Variants in CATSPERT observed in about 807,000 individuals in gnomAD.
The protein encoded by CATSPERT is cation channel sperm-associated targeting subunit tau.
chr2:201,557,085 A>C, the CATSPERT span: 6 of 152,138 alleles, frequency 3.9e-5, no homozygotes, highest in Admixed American at 1.3e-4. Flanking sequence ...GTAACTATTC[A>C]AACCTTAAAA....
the CATSPERT span, among the ~76,000 whole-genome samples, chr2:201,581,475 G>A: frequency 5.0e-5 from 1 of 20,004 alleles, no homozygotes; most frequent in Non-Finnish European, 9.0e-5. Context: ...CACACATTCC[G>A]GAATATATAT....
the CATSPERT span, among the ~76,000 whole-genome samples, chr2:201,490,842 G>A: frequency 1.3e-5 from 2 of 152,110 alleles, no homozygotes; most frequent in African/African-American, 2.4e-5. Flanking sequence ...TCCTGCCTCA[G>A]CCTCCCGAGT....
At chr2:201,564,241 T>A in the CATSPERT span, among the ~76,000 whole-genome samples, 3 of 152,196 alleles carry the variant, frequency 2.0e-5, no homozygotes, top group African/African-American at 7.2e-5. Flanking sequence ...CTTAATTGAA[T>A]TAAAGTGATC....
chr2:201,572,333 C>A, the CATSPERT span, among the ~76,000 whole-genome samples: 2 of 152,186 alleles, frequency 1.3e-5, no homozygotes, highest in African/African-American at 4.8e-5. Flanking sequence ...CAAGGCTACA[C>A]AGTAGGCAAG....
chr2:201,562,637 G>A, the CATSPERT span, among the ~76,000 whole-genome samples: 5 of 147,554 alleles, frequency 3.4e-5, no homozygotes, highest in East Asian at 2.0e-4. Context: ...AAGGTCTCTG[G>A]TTTTCCTAGG....
the CATSPERT span, among the ~76,000 whole-genome samples, chr2:201,609,753 AAACAATCT>A: frequency 2.6e-5 from 4 of 152,206 alleles, no homozygotes; most frequent in African/African-American, 9.6e-5. Context: ...GGTTTCAAAT[AAACAATCT>A]AACAATACAC....
the CATSPERT span, among the ~76,000 whole-genome samples, chr2:201,572,791 T>C: frequency 6.6e-6 from 1 of 152,162 alleles, no homozygotes; most frequent in African/African-American, 2.4e-5. Flanking sequence ...TTGTTCCTTG[T>C]GGCTTTCATC....
chr2:201,536,012 C>T, the CATSPERT span: 4 of 1,612,600 alleles, frequency 2.5e-6, no homozygotes, highest in African/African-American at 1.3e-5. Flanking sequence ...AGATACTCCT[C>T]AAATTTACCT....
the CATSPERT span, among the ~76,000 whole-genome samples, chr2:201,589,033 G>T: frequency 7.2e-5 from 11 of 152,162 alleles, no homozygotes; most frequent in South Asian, 8.3e-4. Flanking sequence ...AAATACCTAG[G>T]AGTACAGCTA....
At chr2:201,559,930 C>T in the CATSPERT span, among the ~76,000 whole-genome samples, 51 of 151,890 alleles carry the variant, frequency 3.4e-4, no homozygotes, top group Non-Finnish European at 5.7e-4. Context: ...TAACAGACCC[C>T]GATCATAAGG....
At chr2:201,571,009 T>C in the CATSPERT span, among the ~76,000 whole-genome samples, 26 of 152,192 alleles carry the variant, frequency 1.7e-4, no homozygotes, top group African/African-American at 5.3e-4. Context: ...TTTTATTCCA[T>C]TGGCATCATC....
At chr2:201,600,058 C>T in the CATSPERT span, among the ~76,000 whole-genome samples, 5 of 152,154 alleles carry the variant, frequency 3.3e-5, no homozygotes, top group Admixed American at 3.3e-4. Context: ...ACTAGAAATA[C>T]CATTTAACCC....
chr2:201,608,897 T>TAA, the CATSPERT span, among the ~76,000 whole-genome samples: 2 of 140,854 alleles, frequency 1.4e-5, no homozygotes, highest in Non-Finnish European at 3.1e-5. Flanking sequence ...AAAAGTTGAT[T>TAA]AAAAAAAAAA....
the CATSPERT span, among the ~76,000 whole-genome samples, chr2:201,549,289 C>T: frequency 1.3e-5 from 2 of 151,964 alleles, no homozygotes; most frequent in African/African-American, 4.8e-5. Flanking sequence ...GTATATACAA[C>T]ATGAAACACC....
chr2:201,583,059 C>T, the CATSPERT span, among the ~76,000 whole-genome samples: 1 of 152,082 alleles, frequency 6.6e-6, no homozygotes, highest in African/African-American at 2.4e-5. Flanking sequence ...ATTTAAAATA[C>T]CATTTTAAAA....
chr2:201,602,480 G>A, the CATSPERT span, among the ~76,000 whole-genome samples: 1 of 152,034 alleles, frequency 6.6e-6, no homozygotes, highest in Non-Finnish European at 1.5e-5. Context: ...GTTTTATGCT[G>A]TGATAAATCT....
the CATSPERT span, among the ~76,000 whole-genome samples, chr2:201,572,270 C>T: frequency 1.3e-5 from 2 of 152,062 alleles, no homozygotes; most frequent in South Asian, 2.1e-4. Flanking sequence ...TAAACCTATA[C>T]GGTAAGTAAC....
At chr2:201,595,054 C>T in the CATSPERT span, among the ~76,000 whole-genome samples, 1 of 152,168 alleles carries the variant, frequency 6.6e-6, no homozygotes, top group South Asian at 2.1e-4. Context: ...GAGAGGCGCT[C>T]TGTTTTTTAG....
At chr2:201,618,454 G>C in the CATSPERT span, among the ~76,000 whole-genome samples, 17 of 150,264 alleles carry the variant, frequency 1.1e-4, no homozygotes, top group African/African-American at 3.9e-4. Context: ...GCAAACTATC[G>C]CAAGGACAGA....
Sources: gnomAD v4.1 joint callset for allele counts (sites outside exome capture counted in the v4.1 genomes callset) on GRCh38, gnomAD v4.1.1 for gene constraint, MANE v1.5 for transcripts, NCBI Gene and HGNC (gene_info 2026-07-23, HGNC 2026-07-21) for gene names.